Variants in PIK3R3 observed in about 807,000 individuals in gnomAD.
PIK3R3 encodes phosphatidylinositol 3-kinase regulatory subunit gamma.
Under a neutral mutation model 62.9 loss-of-function variants are expected in PIK3R3, and 64 were observed. The observed-to-expected ratio is 1.02, with a 90% CI of 0.83 to 1.25. The LOEUF is 1.25. PIK3R3 is among the 50% of genes most tolerant of loss of function. The pLI is 0.00. For synonymous variants in PIK3R3, 165 were observed against 189.0 expected (o/e 0.87, Z 1.04); for missense variants, 614 against 561.6 (o/e 1.09, Z -0.94).
At chr1:46,109,946 T>C (rs1410088013) in intron 1 of PIK3R3, among the ~76,000 whole-genome samples, 4 of 152,192 alleles carry the variant, frequency 2.6e-5, no homozygotes, top group Non-Finnish European at 5.9e-5. Context: ...CTCTGCTTAC[T>C]CTTCCAAGCT....
At chr1:46,097,202 A>G (rs1652218274) in intron 1 of PIK3R3, among the ~76,000 whole-genome samples, 1 of 152,180 alleles carries the variant, frequency 6.6e-6, no homozygotes, top group Non-Finnish European at 1.5e-5. Context: ...AATAAAGGAC[A>G]AAGACCAGCA....
the PIK3R3 span, among the ~76,000 whole-genome samples, chr1:46,162,041 G>A: frequency 8.1e-4 from 121 of 149,656 alleles, 4 homozygotes; most frequent in East Asian, 0.02. Flanking sequence ...GCAGTGAGCC[G>A]AGATCGCGCC....
At chr1:46,060,332 T>C (rs957860488) in intron 6 of PIK3R3, among the ~76,000 whole-genome samples, 2 of 151,426 alleles carry the variant, frequency 1.3e-5, no homozygotes, top group Non-Finnish European at 2.9e-5. Flanking sequence ...TACTAAAAAG[T>C]ACCAAAAATT....
the PIK3R3 span, among the ~76,000 whole-genome samples, chr1:46,171,960 C>A: frequency 1.3e-5 from 2 of 152,304 alleles, no homozygotes; most frequent in Middle Eastern, 3.4e-3. Flanking sequence ...AGGCTGCCTC[C>A]CAGGAGCAGC....
upstream of PIK3R3, chr1:46,132,902 A>C: frequency 8.4e-7 from 1 of 1,188,106 alleles, no homozygotes; most frequent in Non-Finnish European, 1.1e-6. Context: ...GCTCTCCCCC[A>C]GCCTCAATCA....
chr1:46,077,534 C>T lies in PIK3R3; in HGVS notation c.295G>A (p.Asp99Asn). The T allele has an allele frequency of 6.2e-7, 1 of 1,609,198 alleles. No homozygotes were observed. Among genetic ancestry groups the T allele is most frequent in the Non-Finnish European group, 8.5e-7 (1 of 1,175,608 alleles). Reference sequence around the variant, plus strand: ...ACTTACCGCAAAGTCAAAGTATAATCTCCCTGCATTTTTGTTGAGGCATCT... The same window carrying T: ...ACTTACCGCAAAGTCAAAGTATAATTTCCCTGCATTTTTGTTGAGGCATCT... ...VRDASTKMQGDYTLTLRKGGN... is the reference protein window; with the variant it reads ...VRDASTKMQGNYTLTLRKGGN... Residue 99 changes from aspartate (D) to asparagine (N), a missense_variant, in exon 3 of 10, where the codon GAT (aspartate) becomes AAT (asparagine). Transcript: ENST00000262741.
chr1:46,137,366 G>A (rs1208708425), upstream of PIK3R3, among the ~76,000 whole-genome samples: 2 of 152,244 alleles, frequency 1.3e-5, no homozygotes, highest in Non-Finnish European at 2.9e-5. Flanking sequence ...GACAAAGTGT[G>A]TTGGGGGAGC....
chr1:46,095,697 TAATTA>T (rs1178655616), intron 1 of PIK3R3, among the ~76,000 whole-genome samples: 2 of 152,120 alleles, frequency 1.3e-5, no homozygotes, highest in African/African-American at 2.4e-5. Context: ...AGGGAACAAT[TAATTA>T]AAAGTTAAAG....
chr1:46,171,669 T>C, the PIK3R3 span, among the ~76,000 whole-genome samples: 4 of 152,124 alleles, frequency 2.6e-5, no homozygotes, highest in African/African-American at 9.6e-5. Context: ...ACTGACTCTG[T>C]GTTCCTGTGC....
At chr1:46,173,761 A>G in the PIK3R3 span, among the ~76,000 whole-genome samples, 6 of 152,186 alleles carry the variant, frequency 3.9e-5, no homozygotes, top group Admixed American at 3.9e-4. Context: ...AGATGATGTC[A>G]TCTGGTTCCC....
At chr1:46,167,205 A>T in the PIK3R3 span, among the ~76,000 whole-genome samples, 1 of 152,216 alleles carries the variant, frequency 6.6e-6, no homozygotes, top group Non-Finnish European at 1.5e-5. Context: ...GCCTCGCTTT[A>T]CGGAAAGAAC....
At chr1:46,172,509 G>A in the PIK3R3 span, among the ~76,000 whole-genome samples, 1 of 152,120 alleles carries the variant, frequency 6.6e-6, no homozygotes, top group East Asian at 1.9e-4. Context: ...GAGTAGCTGG[G>A]AGAACCTGTT....
intron 1 of PIK3R3, among the ~76,000 whole-genome samples, chr1:46,087,530 G>A (rs906493760): frequency 6.6e-6 from 1 of 150,884 alleles, no homozygotes; most frequent in Non-Finnish European, 1.5e-5. Flanking sequence ...AAACTGACAG[G>A]ACCCTAAAAA....
chr1:46,145,270 T>C, the PIK3R3 span, among the ~76,000 whole-genome samples: 1 of 152,084 alleles, frequency 6.6e-6, no homozygotes, highest in South Asian at 2.1e-4. Flanking sequence ...TGTGAGACTG[T>C]CAAGGGAGTC....
intron 7 of PIK3R3, among the ~76,000 whole-genome samples, chr1:46,054,544 A>G (rs1020886985): frequency 6.6e-6 from 1 of 152,040 alleles, no homozygotes; most frequent in Non-Finnish European, 1.5e-5. Flanking sequence ...CCAGATTCAG[A>G]GGTCTCTGCT....
intron 6 of PIK3R3, among the ~76,000 whole-genome samples, chr1:46,058,430 AC>A (rs935588928): frequency 6.6e-6 from 1 of 152,228 alleles, no homozygotes; most frequent in Non-Finnish European, 1.5e-5. Context: ...AGATTCATTG[AC>A]AGCTTACACC....
At chr1:46,142,525 C>T in the PIK3R3 span, among the ~76,000 whole-genome samples, 13 of 151,984 alleles carry the variant, frequency 8.6e-5, no homozygotes, top group East Asian at 1.5e-3. Flanking sequence ...GGTGAAACCC[C>T]GTCTCTACTA....
intron 1 of PIK3R3, among the ~76,000 whole-genome samples, chr1:46,125,491 T>C (rs1323694405): frequency 6.6e-6 from 1 of 152,184 alleles, no homozygotes; most frequent in Admixed American, 6.5e-5. Context: ...GTAAGGATCA[T>C]GAAGTGGCAG....
At chr1:46,097,989 T>C (rs1026430525) in intron 1 of PIK3R3, among the ~76,000 whole-genome samples, 4 of 151,530 alleles carry the variant, frequency 2.6e-5, no homozygotes, top group Non-Finnish European at 5.9e-5. Context: ...TCTATTTGCA[T>C]ACTCAATCAT....
Sources: allele counts gnomAD v4.1 joint callset (sites outside exome capture counted in the v4.1 genomes callset), GRCh38; gene constraint gnomAD v4.1.1; transcripts MANE v1.5; gene names NCBI Gene and HGNC (gene_info 2026-07-23, HGNC 2026-07-21).